SLC35D1: variants seen among roughly 807,000 people sequenced by gnomAD.
The protein encoded by SLC35D1 is solute carrier family 35 member D1.
SLC35D1 carries 31 observed loss-of-function variants against 46.7 expected under a neutral mutation model. The ratio of observed to expected loss-of-function variants is 0.66; its 90% CI spans 0.50 to 0.90. The LOEUF (loss-of-function observed/expected upper bound fraction) is 0.90. Among genes scored for constraint, SLC35D1 ranks in the 40% least tolerant of loss-of-function variants. The pLI, the probability that SLC35D1 is intolerant of heterozygous loss-of-function variation, is 0.00. For missense variants in SLC35D1, 397 were observed against 426.2 expected (o/e 0.93, Z 0.60); for synonymous variants, 195 against 164.6 (o/e 1.18, Z -1.41).
At chr1:67,008,454 G>T in intron 11 of SLC35D1, 1 of 1,287,994 alleles carries the variant, frequency 7.8e-7, no homozygotes, top group Non-Finnish European at 1.0e-6. Flanking sequence ...ACAGCTGGGA[G>T]ACACCAGAAA....
intron 10 of SLC35D1, among the ~76,000 whole-genome samples, chr1:67,018,292 C>T (rs926475978): frequency 6.6e-5 from 10 of 152,010 alleles, no homozygotes; most frequent in African/African-American, 2.2e-4. Context: ...TATAACAGGA[C>T]GTCATTTGAA....
At chr1:66,990,915 C>A in the SLC35D1 span, among the ~76,000 whole-genome samples, 1 of 152,132 alleles carries the variant, frequency 6.6e-6, no homozygotes, top group African/African-American at 2.4e-5. Flanking sequence ...ACACCCACAT[C>A]CAAGCACAGT....
rs1383260772 is a variant in SLC35D1 at position 67,041,445 on chromosome 1, C to CTGTAAAATA, written c.729+790_729+791insTATTTTACA. ...AAAATCTCTTTTATTTTAGCTCCCACAAACTTGTAAAAATCACGGTCTTTA... is the reference window on the plus strand; with the variant it reads ...AAAATCTCTTTTATTTTAGCTCCCACTGTAAAATAAAACTTGTAAAAATCACGGTCTTTA... On this transcript the variant is annotated intron_variant, in intron 8 of 11. Transcript: ENST00000235345. Among the ~76,000 whole-genome samples, 14 of 152,298 alleles carry CTGTAAAATA rather than the reference C, an allele frequency of 9.2e-5. 1 individual carries two copies. The East Asian group carries it at 2.7e-3, about 29-fold the overall frequency.
At chr1:67,047,523 T>C (rs997745975) in intron 6 of SLC35D1, among the ~76,000 whole-genome samples, 156 bp from the exon 7 acceptor site, 8 of 152,236 alleles carry the variant, frequency 5.3e-5, no homozygotes, top group Admixed American at 5.2e-4. Flanking sequence ...TTTCTGGTCA[T>C]AGTTTGCAAT....
chr1:67,029,179 A>G (rs1667971349), intron 8 of SLC35D1, among the ~76,000 whole-genome samples: 1 of 152,194 alleles, frequency 6.6e-6, no homozygotes, highest in Non-Finnish European at 1.5e-5. Context: ...TGCCAAACTC[A>G]AGAGAAGACT....
intron 4 of SLC35D1, among the ~76,000 whole-genome samples, chr1:67,051,096 A>G (rs1435694300): frequency 1.3e-5 from 2 of 152,234 alleles, no homozygotes; most frequent in Non-Finnish European, 2.9e-5. Flanking sequence ...ACTCTACACA[A>G]GCAGCACTTT....
intron 11 of SLC35D1, among the ~76,000 whole-genome samples, chr1:67,004,714 A>C (rs1379519755): frequency 6.6e-6 from 1 of 152,270 alleles, no homozygotes; most frequent in African/African-American, 2.4e-5. Flanking sequence ...CATTTTATTT[A>C]AATGAACATG....
intron 11 of SLC35D1, among the ~76,000 whole-genome samples, chr1:67,008,171 ACT>A (rs1416933068): frequency 2.0e-5 from 3 of 152,024 alleles, no homozygotes; most frequent in African/African-American, 7.2e-5. Context: ...ACGGAGTCTC[ACT>A]CTGTTGCCAG....
intron 8 of SLC35D1, among the ~76,000 whole-genome samples, chr1:67,035,333 T>C (rs1224944914): frequency 6.6e-6 from 1 of 152,204 alleles, no homozygotes; most frequent in Non-Finnish European, 1.5e-5. Flanking sequence ...CAGGCTTTCC[T>C]TTGCTTGGAG....
At chr1:66,989,236 T>G in the SLC35D1 span, among the ~76,000 whole-genome samples, 2 of 152,130 alleles carry the variant, frequency 1.3e-5, no homozygotes, top group South Asian at 2.1e-4. Context: ...TTTTCTGAAG[T>G]TTGGAAGAGA....
chr1:66,988,521 G>T, the SLC35D1 span: 1 of 151,826 alleles, frequency 6.6e-6, no homozygotes, highest in East Asian at 1.9e-4. Flanking sequence ...TACGGACGTG[G>T]AGTTTTTCCT....
chr1:66,997,574 T>C (rs1667254850), downstream of SLC35D1, among the ~76,000 whole-genome samples: 1 of 132,826 alleles, frequency 7.5e-6, no homozygotes, highest in African/African-American at 2.8e-5. Flanking sequence ...TGTGTGTATA[T>C]ATATACACAC....
chr1:67,017,312 T>C (rs942660033), intron 10 of SLC35D1, among the ~76,000 whole-genome samples: 1 of 152,154 alleles, frequency 6.6e-6, no homozygotes, highest in Non-Finnish European at 1.5e-5. Context: ...AGCACATCTG[T>C]TTAAATTAGA....
At chr1:66,981,749 T>G in the SLC35D1 span, 2 of 1,534,880 alleles carry the variant, frequency 1.3e-6, no homozygotes, top group East Asian at 4.9e-5. Flanking sequence ...CAGCTCTTTT[T>G]AATATAAAAA....
chr1:66,987,496 CAA>C, the SLC35D1 span: 3 of 152,618 alleles, frequency 2.0e-5, no homozygotes, highest in Non-Finnish European at 4.4e-5. Context: ...CAGTTCAACA[CAA>C]GTTTGTTGAG....
chr1:66,994,769 A>C (rs1667220347), downstream of SLC35D1, among the ~76,000 whole-genome samples: 4 of 152,126 alleles, frequency 2.6e-5, no homozygotes, highest in Admixed American at 2.0e-4. Context: ...AATGTTCTGG[A>C]AACTATCAGG....
intron 8 of SLC35D1, among the ~76,000 whole-genome samples, chr1:67,023,486 A>AT (rs35716426): frequency 2.7e-4 from 36 of 131,886 alleles, no homozygotes; most frequent in Non-Finnish European, 3.4e-4. Flanking sequence ...ATCTTTTGCC[A>AT]TTTTTTTTTT....
At position 67,054,067 on chromosome 1, in the gene SLC35D1, C is replaced by T. The variant is rs1645346480; in HGVS notation, c.-54G>A. The T allele has an allele frequency of 1.3e-6, 2 of 1,577,108 alleles. No individual in the cohort carries two copies. The highest frequency in any genetic ancestry group is 1.7e-6 in the Non-Finnish European group (2 of 1,153,566). On this transcript the variant is annotated 5_prime_UTR_variant, in exon 1 of 12. Transcript: ENST00000235345. ...CGGGGCCTAGCGGCTCGGGGGCCTGCAGCGGCAGCTCCCAGGGGACTCCAG... is the reference window on the plus strand; with the variant it reads ...CGGGGCCTAGCGGCTCGGGGGCCTGTAGCGGCAGCTCCCAGGGGACTCCAG...
chr1:66,988,384 A>T, the SLC35D1 span: 1 of 152,056 alleles, frequency 6.6e-6, no homozygotes, highest in Non-Finnish European at 1.5e-5. Flanking sequence ...TTTTCCACAC[A>T]TCCATCCACC....
Sources: gnomAD v4.1 joint callset for allele counts (sites outside exome capture counted in the v4.1 genomes callset) on GRCh38, gnomAD v4.1.1 for gene constraint, MANE v1.5 for transcripts, NCBI Gene and HGNC (gene_info 2026-07-23, HGNC 2026-07-21) for gene names.